CELF2: variants seen among roughly 807,000 people sequenced by gnomAD.
CELF2 encodes CUGBP Elav-like family member 2.
Under a neutral mutation model 62.6 loss-of-function variants are expected in CELF2, and 8 were observed. That is an observed-to-expected ratio of 0.13 (90% CI 0.07 to 0.23). The LOEUF is 0.23. Among genes scored for constraint, CELF2 ranks in the 10% least tolerant of loss-of-function variants. The pLI, the probability that CELF2 is intolerant of heterozygous loss-of-function variation, is 1.00. For synonymous variants in CELF2, 258 were observed against 250.0 expected, an observed-to-expected ratio of 1.03 and a Z score of -0.30; for missense variants, 333 against 671.0, an observed-to-expected ratio of 0.50 and a Z score of 5.56.
the CELF2 span, among the ~76,000 whole-genome samples, chr10:10,754,061 G>GGTTTTTTTT: frequency 1.2e-3 from 104 of 85,046 alleles, 2 homozygotes; most frequent in African/African-American, 3.3e-3. Flanking sequence ...TGCTGAGGTG[G>GGTTTTTTTT]TTTTTTTTTT....
At chr10:11,252,777 A>G (rs931720316) in intron 4 of CELF2, among the ~76,000 whole-genome samples, 2 of 152,208 alleles carry the variant, frequency 1.3e-5, no homozygotes, top group African/African-American at 4.8e-5. Context: ...CCAAAAGGAA[A>G]ATAATCCCAC....
rs1271048984 is a variant in CELF2 at position 11,005,663 on chromosome 10, T to C, written c.53+223T>C. On this transcript the variant is annotated intron_variant, in intron 1 of 12. Transcript: ENST00000416382. The surrounding 1 kb of genome is among the most constrained non-coding windows in gnomAD (Gnocchi z 4.3). ...GGACTGCCGTGAATTCTATTTGTAC[T>C]AGTTGCCTTTTGAAAGCATATCATG... is the stretch of plus-strand genomic sequence containing the variant. Among the ~76,000 whole-genome samples, 2 of 152,208 alleles carry C rather than the reference T, an allele frequency of 1.3e-5. No individual in the cohort carries two copies. The highest frequency in any genetic ancestry group is 4.8e-5 in the African/African-American group (2 of 41,460).
At chr10:10,927,355 A>AAAACAAC (rs1554884964) in intron 2 of CELF2, 1 of 150,408 alleles carries the variant, frequency 6.6e-6, no homozygotes, top group East Asian at 1.9e-4. Flanking sequence ...TTAAAAAAAA[A>AAAACAAC]AAAAAAAAAA....
the CELF2 span, among the ~76,000 whole-genome samples, chr10:10,741,322 C>A: frequency 1.6e-3 from 239 of 151,906 alleles, no homozygotes; most frequent in Non-Finnish European, 2.0e-3. Flanking sequence ...ACCATCCTGG[C>A]CAACATGGTG....
At position 11,110,801 on chromosome 10, in the gene CELF2, A is replaced by G. The variant is rs938415898; in HGVS notation, c.75-54685A>G. ...GGGGGCAGTTTCTGCTTGTCAAGGAACTGCAACCCTGACCTTAACCACCAC... is the reference window on the plus strand; with the variant it reads ...GGGGGCAGTTTCTGCTTGTCAAGGAGCTGCAACCCTGACCTTAACCACCAC... On this transcript the variant is annotated intron_variant, in intron 1 of 12. Transcript: ENST00000633077. This position sits in a 1 kb window ranked among gnomAD's most constrained non-coding sequence, Gnocchi z 4.0. Among the ~76,000 whole-genome samples, 1 of 152,076 alleles carries G rather than the reference A, an allele frequency of 6.6e-6. No individual in the cohort carries two copies. Among genetic ancestry groups the G allele is most frequent in the African/African-American group, 2.4e-5 (1 of 41,398 alleles).
chr10:11,140,307 C>T (rs2061123335), intron 1 of CELF2, among the ~76,000 whole-genome samples: 1 of 152,150 alleles, frequency 6.6e-6, no homozygotes, highest in Admixed American at 6.5e-5. Flanking sequence ...GTAGCGCAAT[C>T]ATAGCTCACT....
intron 9 of CELF2, among the ~76,000 whole-genome samples, chr10:11,299,364 G>A (rs1287252985): frequency 6.6e-6 from 1 of 151,916 alleles, no homozygotes; most frequent in African/African-American, 2.4e-5. Context: ...TGCGCCAGGT[G>A]ACCTCTTGCC....
At chr10:10,880,408 G>A (rs187081491) in intron 1 of CELF2, among the ~76,000 whole-genome samples, 1 of 152,246 alleles carries the variant, frequency 6.6e-6, no homozygotes, top group African/African-American at 2.4e-5. Context: ...GAAGAAAATA[G>A]GGGTGATCAG....
chr10:10,482,223 C>A, the CELF2 span, among the ~76,000 whole-genome samples: 1 of 152,126 alleles, frequency 6.6e-6, no homozygotes, highest in Non-Finnish European at 1.5e-5. Context: ...TCAGAAATAT[C>A]CCAATGCATA....
At chr10:11,135,103 A>C (rs1198024402) in intron 1 of CELF2, among the ~76,000 whole-genome samples, 1 of 152,138 alleles carries the variant, frequency 6.6e-6, no homozygotes, top group East Asian at 1.9e-4. Context: ...ACCCTGAGGA[A>C]AAAATGCTGC....
the CELF2 span, among the ~76,000 whole-genome samples, chr10:10,779,346 T>C: frequency 6.6e-6 from 1 of 152,206 alleles, no homozygotes. Context: ...AGACTAAATA[T>C]GAGGACCCTG....
In CELF2 at chr10:11,270,824, G is replaced by A. The variant is rs777985676; in HGVS notation, c.777G>A (p.Ala259=). The part of the protein sequence containing the change: ...GLGGLTPQYL[A]LLQQATSSSN... ...GCGGACTGACCCCACAGTATCTGGCGGTAAGTGCTGGGCAATGCCGGCGTG... is the reference window on the plus strand; with the variant it reads ...GCGGACTGACCCCACAGTATCTGGCAGTAAGTGCTGGGCAATGCCGGCGTG... Residue 259 remains alanine (A), a splice_region_variant and synonymous_variant, in exon 7 of 13, where the codon GCG becomes GCA. Coordinates refer to ENST00000633077, the MANE Select transcript of CELF2 (RefSeq NM_001326342.2). The surrounding 1 kb of genome is among the most constrained non-coding windows in gnomAD (Gnocchi z 5.8). The A allele has an allele frequency of 1.3e-5, 18 of 1,413,442 alleles. No homozygotes were observed. Among genetic ancestry groups the A allele is most frequent in the Admixed American group, 5.2e-5 (2 of 38,570 alleles). 87.6% of individuals were successfully genotyped at this position (1,413,442 alleles called of 1,614,324 possible). A position where few individuals can be genotyped will look rare whatever the true frequency, so the allele number is the denominator to read the frequency against.
chr10:10,646,277 C>T, the CELF2 span, among the ~76,000 whole-genome samples: 5 of 152,176 alleles, frequency 3.3e-5, no homozygotes, highest in Non-Finnish European at 7.3e-5. Context: ...CACAATTTCC[C>T]TAAGGACCAA....
chr10:10,935,455 G>A (rs1383351192), intron 2 of CELF2: 1 of 152,206 alleles, frequency 6.6e-6, no homozygotes, highest in East Asian at 1.9e-4. Context: ...TGCTTTGAGA[G>A]AAACTTAGGC....
chr10:11,235,029 C>G (rs1023348114), intron 3 of CELF2, among the ~76,000 whole-genome samples: 2 of 152,130 alleles, frequency 1.3e-5, no homozygotes, highest in African/African-American at 2.4e-5. Flanking sequence ...CAAGTTTTAA[C>G]GAGGTCAAGC....
intron 2 of CELF2, among the ~76,000 whole-genome samples, chr10:11,204,617 A>C (rs542083357): frequency 5.2e-4 from 79 of 152,206 alleles, no homozygotes; most frequent in Non-Finnish European, 1.0e-3. Context: ...TCCTTAGGAG[A>C]ACAGGAGCAC....
chr10:10,482,552 AG>A, the CELF2 span, among the ~76,000 whole-genome samples: 1 of 152,246 alleles, frequency 6.6e-6, no homozygotes, highest in Non-Finnish European at 1.5e-5. Context: ...CCAAGTACAA[AG>A]TTTGCAACAT....
chr10:11,333,964 G>A lies in CELF2; in HGVS notation c.*4911G>A, dbSNP rs1007720710. 1.5e-5 allele frequency: 2 copies of A among 132,094 alleles called. No individual in the cohort carries two copies. Among genetic ancestry groups the A allele is most frequent in the Non-Finnish European group, 3.2e-5 (2 of 62,598 alleles). The allele number at this position is 132,094 out of a possible 1,614,324, so 8.2% of individuals were successfully genotyped here. A position where few individuals can be genotyped will look rare whatever the true frequency, so the allele number is the denominator to read the frequency against. On this transcript the variant is annotated 3_prime_UTR_variant, in exon 13 of 13. Transcript: ENST00000633077. The stretch of plus-strand genomic sequence containing the variant: ...ATGACTGATTTCAAGTTTGATTTCG[G>A]GTTGATTGATTGATTGATTGATAGA...
the CELF2 span, among the ~76,000 whole-genome samples, chr10:10,722,199 G>T: frequency 2.0e-5 from 3 of 152,144 alleles, no homozygotes; most frequent in Non-Finnish European, 4.4e-5. Context: ...GCTACTTGGA[G>T]GCCAAGGCAG....
Sources: gnomAD v4.1 joint callset for allele counts (sites outside exome capture counted in the v4.1 genomes callset) on GRCh38, gnomAD v4.1.1 for gene constraint, Gnocchi (gnomAD v3.1) non-coding constraint, MANE v1.5 for transcripts, NCBI Gene and HGNC (gene_info 2026-07-23, HGNC 2026-07-21) for gene names.